PCDHA1: variants seen among roughly 807,000 people sequenced by gnomAD.
PCDHA1 encodes the protein protocadherin alpha 1.
PCDHA1 carries 42 observed loss-of-function variants against 61.3 expected under a neutral mutation model. The ratio of observed to expected loss-of-function variants is 0.69; its 90% CI spans 0.54 to 0.89. The LOEUF (loss-of-function observed/expected upper bound fraction) is 0.89, where lower values mean the gene tolerates loss of function less well. PCDHA1 is among the 40% of genes least tolerant of loss of function. The pLI is 0.00. For synonymous variants in PCDHA1, 610 were observed against 553.8 expected, an observed-to-expected ratio of 1.10 and a Z score of -1.43; for missense variants, 1,256 against 1,235.3, an observed-to-expected ratio of 1.02 and a Z score of -0.25.
chr5:140,947,938 A>G (rs2094195228), intron 1 of PCDHA1, among the ~76,000 whole-genome samples: 1 of 151,536 alleles, frequency 6.6e-6, no homozygotes, highest in African/African-American at 2.4e-5. Context: ...CTTATGAGAA[A>G]AGTGTTCCAT....
intron 1 of PCDHA1, among the ~76,000 whole-genome samples, chr5:140,885,206 A>G (rs1304868227): frequency 1.3e-5 from 2 of 152,038 alleles, no homozygotes; most frequent in Non-Finnish European, 2.9e-5. Context: ...CATATATCCC[A>G]TGAAAAATAT....
intron 1 of PCDHA1, 73 bp from the exon 2 acceptor site, chr5:140,978,876 A>G: frequency 6.2e-7 from 1 of 1,609,510 alleles, no homozygotes; most frequent in Non-Finnish European, 8.5e-7. Flanking sequence ...GGGAGTAACT[A>G]ATCAATTAGC....
intron 1 of PCDHA1, chr5:140,802,919 T>C (rs1763062149): frequency 3.1e-6 from 5 of 1,613,736 alleles, no homozygotes; most frequent in Non-Finnish European, 4.2e-6. Context: ...GTGGCATCGG[T>C]GGCGCAGTGA....
In PCDHA1 at chr5:140,927,075, C is replaced by T. The variant is rs1304732952; in HGVS notation, c.2395-51874C>T. On this transcript the variant is annotated intron_variant, in intron 1 of 3. Transcript: ENST00000504120. ...GGAACTTTCGCTTCCTTTCCAGCCA[C>T]CGCGAGCTCTACTTCGGGGTGGATC... 2.5e-6 allele frequency: 4 copies of T among 1,611,188 alleles called. No homozygotes were observed. In the Admixed American group the frequency reaches 5.0e-5, roughly 20 times the overall value.
intron 1 of PCDHA1, chr5:140,830,261 T>C (rs1554132677): frequency 1.2e-6 from 2 of 1,613,550 alleles, no homozygotes; most frequent in African/African-American, 1.3e-5. Flanking sequence ...GCTGCGGTGC[T>C]CGGCGCCACC....
At chr5:140,807,184 A>G in intron 1 of PCDHA1, 2 of 1,612,714 alleles carry the variant, frequency 1.2e-6, no homozygotes, top group Non-Finnish European at 1.7e-6. Context: ...ACTGTGCACT[A>G]AAGATGGAGT....
intron 1 of PCDHA1, among the ~76,000 whole-genome samples, chr5:140,793,071 C>T (rs1554118858): frequency 6.6e-6 from 1 of 152,190 alleles, no homozygotes; most frequent in Admixed American, 6.5e-5. Flanking sequence ...ATCATCCAAA[C>T]TGGGCTGTAG....
At chr5:140,871,049 T>A in intron 1 of PCDHA1, 4 of 1,613,302 alleles carry the variant, frequency 2.5e-6, no homozygotes, top group Non-Finnish European at 3.4e-6. Flanking sequence ...CTTCTAGTAC[T>A]GGTGAAGGAT....
At chr5:140,850,822 T>C (rs2150499747) in intron 1 of PCDHA1, 4 of 1,598,166 alleles carry the variant, frequency 2.5e-6, no homozygotes, top group Non-Finnish European at 3.4e-6. Flanking sequence ...AGCCCGGGCC[T>C]TTCTCCTTGT....
In PCDHA1 at chr5:140,849,585, C is replaced by A. The variant is rs147876741; in HGVS notation, c.2394+60901C>A. 8 of 1,598,624 alleles carry A rather than the reference C, an allele frequency of 5.0e-6. No homozygotes were observed. Among genetic ancestry groups the A allele is most frequent in the Admixed American group, 3.4e-5 (2 of 59,262 alleles). ...CTCGGTTCCTGTAAAAGAGGACGCA[C>A]AACTGGGGACAGTTATTGCCCTGAT... is the stretch of plus-strand genomic sequence containing the variant. On this transcript the variant is annotated intron_variant, in intron 1 of 3. Transcript: ENST00000504120.
intron 3 of PCDHA1, among the ~76,000 whole-genome samples, chr5:141,008,075 G>A (rs1002549445): frequency 2.0e-5 from 3 of 152,004 alleles, no homozygotes; most frequent in Non-Finnish European, 1.5e-5. Flanking sequence ...GAACTTATTG[G>A]GGTTATTCTA....
At chr5:140,850,178 T>G in intron 1 of PCDHA1, 1 of 1,593,294 alleles carries the variant, frequency 6.3e-7, no homozygotes, top group Non-Finnish European at 8.6e-7. Flanking sequence ...AGAACGACAA[T>G]GCGCCGGCGC....
At chr5:140,814,506 A>G (rs1428640879) in intron 1 of PCDHA1, 1 of 151,872 alleles carries the variant, frequency 6.6e-6, no homozygotes, top group African/African-American at 2.4e-5. Flanking sequence ...ACTGTAAAAT[A>G]CCACTAAAAA....
At chr5:140,834,279 T>C in intron 1 of PCDHA1, 4 of 1,100,284 alleles carry the variant, frequency 3.6e-6, no homozygotes, top group Non-Finnish European at 5.3e-6. Context: ...ACTCTTTGGA[T>C]GCACAACAAT....
In PCDHA1 at chr5:140,850,319, A is replaced by G; in HGVS notation, c.2394+61635A>G. The G allele has an allele frequency of 2.5e-6, 4 of 1,597,562 alleles. 1 individual carries two copies. The highest frequency in any genetic ancestry group is 1.1e-5 in the South Asian group (1 of 90,528). Reference sequence around the variant, plus strand: ...ACTCGGGCTACAACGCGTGGCTTTCATACGAGCTGCAGCCAGAAACGGCCA... The same window carrying G: ...ACTCGGGCTACAACGCGTGGCTTTCGTACGAGCTGCAGCCAGAAACGGCCA... On this transcript the variant is annotated intron_variant, in intron 1 of 3. Coordinates refer to ENST00000504120, the MANE Select transcript of PCDHA1 (RefSeq NM_018900.4).
chr5:140,870,892 G>T, intron 1 of PCDHA1: 4 of 1,613,960 alleles, frequency 2.5e-6, no homozygotes, highest in Non-Finnish European at 3.4e-6. Flanking sequence ...GCGCGCAGTG[G>T]ATGCGGACTC....
chr5:140,902,102 G>T (rs1407664200), intron 1 of PCDHA1, among the ~76,000 whole-genome samples: 1 of 151,098 alleles, frequency 6.6e-6, no homozygotes, highest in Non-Finnish European at 1.5e-5. Flanking sequence ...GGAGTCTTTA[G>T]ATTTTTTTAA....
rs566250084 is a variant in PCDHA1 at position 140,877,055 on chromosome 5, T to G, written c.2394+88371T>G. The G allele has an allele frequency of 2.5e-6, 4 of 1,612,792 alleles. No homozygotes were observed. In the East Asian group the frequency reaches 8.9e-5, roughly 36 times the overall value. On this transcript the variant is annotated intron_variant, in intron 1 of 3. Coordinates refer to ENST00000504120, the MANE Select transcript of PCDHA1 (RefSeq NM_018900.4). ...CTGCAGCCGCTAGACCACGAGGAGC[T>G]GGAGCTGCTGCAGTTCCAGGTGAGC...
intron 1 of PCDHA1, among the ~76,000 whole-genome samples, chr5:140,914,069 A>G (rs1042316751): frequency 2.8e-4 from 43 of 152,216 alleles, no homozygotes; most frequent in Non-Finnish European, 5.6e-4. Context: ...GAAATGCTCC[A>G]TAACTATCTA....
Sources: gnomAD v4.1 joint callset for allele counts (sites outside exome capture counted in the v4.1 genomes callset) on GRCh38, gnomAD v4.1.1 for gene constraint, MANE v1.5 for transcripts, NCBI Gene and HGNC (gene_info 2026-07-23, HGNC 2026-07-21) for gene names.